MSI2: variants seen among roughly 807,000 people sequenced by gnomAD.
The protein encoded by MSI2 is musashi RNA binding protein 2.
A neutral mutation model predicts 45.6 loss-of-function variants in MSI2; 17 were observed. That is an observed-to-expected ratio of 0.37 (90% CI 0.26 to 0.56). MSI2 has a LOEUF of 0.56. MSI2 is among the 20% of genes least tolerant of loss of function. The probability of loss-of-function intolerance (pLI) is 0.77; values close to 1 mark genes in which losing one functional copy is unlikely to be tolerated. For synonymous variants in MSI2, 156 were observed against 158.2 expected, an observed-to-expected ratio of 0.99 and a Z score of 0.11; for missense variants, 293 against 444.2, an observed-to-expected ratio of 0.66 and a Z score of 3.06.
intron 6 of MSI2, among the ~76,000 whole-genome samples, chr17:57,467,895 G>A (rs939297496): frequency 2.2e-5 from 3 of 133,354 alleles, no homozygotes; most frequent in Admixed American, 8.8e-5. Flanking sequence ...TGAGGGACCT[G>A]CACACTGACA....
At chr17:57,643,737 A>G (rs996922747) in intron 10 of MSI2, among the ~76,000 whole-genome samples, 61 of 152,260 alleles carry the variant, frequency 4.0e-4, no homozygotes, top group Admixed American at 4.6e-4. Flanking sequence ...TTTTAGTCCT[A>G]TCAGTCTGAA....
At chr17:57,315,448 G>A (rs1366016482) in intron 5 of MSI2, among the ~76,000 whole-genome samples, 3 of 152,082 alleles carry the variant, frequency 2.0e-5, no homozygotes, top group Non-Finnish European at 1.5e-5. Context: ...GCCTGTGTTG[G>A]GGGAGGCAGG....
intron 9 of MSI2, among the ~76,000 whole-genome samples, chr17:57,621,057 A>G (rs979932883): frequency 9.9e-5 from 15 of 152,192 alleles, no homozygotes; most frequent in African/African-American, 3.4e-4. Flanking sequence ...CTGTGCTATG[A>G]TGGAAGCCCT....
At chr17:57,279,816 T>C (rs1204716284) in intron 5 of MSI2, 2 of 152,086 alleles carry the variant, frequency 1.3e-5, no homozygotes, top group Admixed American at 6.5e-5. Flanking sequence ...GGCTAGTTTT[T>C]TAAATTTTTT....
At chr17:57,558,934 G>C (rs1683516444) in intron 7 of MSI2, among the ~76,000 whole-genome samples, 1 of 152,120 alleles carries the variant, frequency 6.6e-6, no homozygotes, top group Non-Finnish European at 1.5e-5. Context: ...GTGGTGGCGG[G>C]AGCCTGTAAC....
intron 7 of MSI2, among the ~76,000 whole-genome samples, chr17:57,575,112 G>A (rs1211828771): frequency 3.3e-5 from 5 of 151,584 alleles, no homozygotes; most frequent in Admixed American, 1.3e-4. Context: ...TTACAGGCGT[G>A]AGCCACTGTG....
At chr17:57,346,079 T>C (rs1663244641) in intron 5 of MSI2, among the ~76,000 whole-genome samples, 1 of 152,250 alleles carries the variant, frequency 6.6e-6, no homozygotes, top group Non-Finnish European at 1.5e-5. Flanking sequence ...TTGTTATTTA[T>C]CACTTCTGTG....
intron 5 of MSI2, among the ~76,000 whole-genome samples, chr17:57,335,753 G>A (rs1567764380): frequency 6.6e-6 from 1 of 152,234 alleles, no homozygotes; most frequent in African/African-American, 2.4e-5. Flanking sequence ...ATTTTAGGTA[G>A]GATTGTCAGA....
intron 5 of MSI2, among the ~76,000 whole-genome samples, chr17:57,358,200 G>GTGTGTGTGT (rs1567778446): frequency 5.3e-4 from 22 of 41,896 alleles, no homozygotes; most frequent in South Asian, 4.0e-3. Flanking sequence ...TGTGTGTGTG[G>GTGTGTGTGT]GGGGGTGTGT....
At chr17:57,292,564 G>A (rs900535511) in intron 5 of MSI2, among the ~76,000 whole-genome samples, 1 of 150,954 alleles carries the variant, frequency 6.6e-6, no homozygotes, top group African/African-American at 2.4e-5. Flanking sequence ...GTGCTTGTTA[G>A]AAATGGAGGT....
At chr17:57,639,963 G>A (rs1249507324) in intron 10 of MSI2, among the ~76,000 whole-genome samples, 1 of 152,190 alleles carries the variant, frequency 6.6e-6, no homozygotes, top group African/African-American at 2.4e-5. Flanking sequence ...CCCTAGATGC[G>A]GGGGACACAG....
At chr17:57,464,113 T>C (rs911151012) in intron 6 of MSI2, among the ~76,000 whole-genome samples, 2 of 149,340 alleles carry the variant, frequency 1.3e-5, no homozygotes, top group African/African-American at 5.0e-5. Flanking sequence ...AGGTGGGGAG[T>C]TGAGGAAGGA....
chr17:57,681,977 T>C lies in MSI2; in HGVS notation c.*2460T>C, dbSNP rs1287319138. On this transcript the variant is annotated 3_prime_UTR_variant, in exon 14 of 14. Coordinates refer to ENST00000284073, the MANE Select transcript of MSI2 (RefSeq NM_138962.4). ...CTCATAGAAGACTCTTTGTTGATCA[T>C]TGTATGTTAATAATGTATAAAATGG... 4.7e-6 allele frequency: 1 copy of C among 211,820 alleles called. No homozygotes were observed. Among genetic ancestry groups the C allele is most frequent in the African/African-American group, 2.3e-5 (1 of 44,222 alleles). The allele number at this position is 211,820 out of a possible 1,614,324, so 13.1% of individuals were successfully genotyped here. A position where few individuals can be genotyped will look rare whatever the true frequency, so the allele number is the denominator to read the frequency against.
intron 7 of MSI2, among the ~76,000 whole-genome samples, chr17:57,591,113 G>A (rs1904788584): frequency 6.6e-6 from 1 of 152,138 alleles, no homozygotes; most frequent in Non-Finnish European, 1.5e-5. Flanking sequence ...AGTCTCTGGG[G>A]CACATAGCTT....
chr17:57,689,236 C>T (rs1913938601), downstream of MSI2, among the ~76,000 whole-genome samples: 1 of 151,770 alleles, frequency 6.6e-6, no homozygotes, highest in Admixed American at 6.6e-5. Flanking sequence ...ATAGTATGTT[C>T]TCTCTCTCTA....
chr17:57,273,843 C>G (rs576073922), intron 5 of MSI2, among the ~76,000 whole-genome samples: 1 of 152,344 alleles, frequency 6.6e-6, no homozygotes, highest in East Asian at 1.9e-4. Flanking sequence ...ATCAGACCCC[C>G]TGGGCATCCC....
In MSI2 at chr17:57,683,904, T is replaced by G. The variant is rs1598525349; in HGVS notation, c.*4387T>G. On this transcript the variant is annotated 3_prime_UTR_variant, in exon 14 of 14. Coordinates refer to ENST00000284073, the MANE Select transcript of MSI2 (RefSeq NM_138962.4). This position sits in a 1 kb window ranked among gnomAD's most constrained non-coding sequence, Gnocchi z 5.2. Reference sequence around the variant, plus strand: ...TGGAAGTTAAGCAATACTTTAATACTGTAATATGTTTGTTTTCTTTTTCTT... The same window carrying G: ...TGGAAGTTAAGCAATACTTTAATACGGTAATATGTTTGTTTTCTTTTTCTT... The G allele has an allele frequency of 4.3e-6, 1 of 231,308 alleles. No homozygotes were observed. The highest frequency in any genetic ancestry group is 2.2e-5 in the African/African-American group (1 of 45,334). The allele number at this position is 231,308 out of a possible 1,614,324, so 14.3% of individuals were successfully genotyped here. A position where few individuals can be genotyped will look rare whatever the true frequency, so the allele number is the denominator to read the frequency against.
intron 5 of MSI2, among the ~76,000 whole-genome samples, chr17:57,290,287 G>A (rs1220898982): frequency 6.6e-6 from 1 of 152,124 alleles, no homozygotes; most frequent in Non-Finnish European, 1.5e-5. Flanking sequence ...ATTATCATTG[G>A]TTACACTATT....
At chr17:57,292,775 T>G (rs1396112783) in intron 5 of MSI2, among the ~76,000 whole-genome samples, 2 of 152,132 alleles carry the variant, frequency 1.3e-5, no homozygotes, top group East Asian at 3.9e-4. Context: ...CCAGCACGGT[T>G]GGAAGAGTTC....
Sources: allele counts gnomAD v4.1 joint callset (sites outside exome capture counted in the v4.1 genomes callset), GRCh38; gene constraint gnomAD v4.1.1; non-coding constraint Gnocchi (gnomAD v3.1); transcripts MANE v1.5; gene names NCBI Gene and HGNC (gene_info 2026-07-23, HGNC 2026-07-21).